CCDC6: variants seen among roughly 807,000 people sequenced by gnomAD.
The protein encoded by CCDC6 is coiled-coil domain-containing protein 6.
A neutral mutation model predicts 56.6 loss-of-function variants in CCDC6; 20 were observed. That is an observed-to-expected ratio of 0.35 (90% CI 0.25 to 0.51). The LOEUF is 0.51. Among genes scored for constraint, CCDC6 ranks in the 20% least tolerant of loss-of-function variants. The probability of loss-of-function intolerance (pLI) is 0.95; values close to 1 mark genes in which losing one functional copy is unlikely to be tolerated. For missense variants in CCDC6, 367 were observed against 601.1 expected (o/e 0.61, Z 4.07); for synonymous variants, 241 against 234.4 (o/e 1.03, Z -0.26).
chr10:59,862,544 C>CATATAT lies in CCDC6; in HGVS notation c.304-9843_304-9842insATATAT, dbSNP rs1195073574. ...ACACACACACACACACACACACACA[C>CATATAT]ACACACACACACATATATATACACA... On this transcript the variant is annotated intron_variant, in intron 1 of 8. Transcript: ENST00000263102. Among the ~76,000 whole-genome samples, 23 of 107,988 alleles carry CATATAT rather than the reference C, an allele frequency of 2.1e-4. 2 individuals are homozygous for CATATAT. The highest frequency in any genetic ancestry group is 4.3e-3 in the Middle Eastern group (1 of 230). The allele number at this position is 107,988 out of a possible 152,430, so 70.8% of individuals were successfully genotyped here.
chr10:59,896,130 C>T (rs190163783), intron 1 of CCDC6, among the ~76,000 whole-genome samples: 83 of 152,300 alleles, frequency 5.4e-4, no homozygotes, highest in Middle Eastern at 3.4e-3. Context: ...TGATTTTAAC[C>T]TGCATCCTTT....
At chr10:59,864,179 T>C (rs961570634) in intron 1 of CCDC6, among the ~76,000 whole-genome samples, 1 of 152,156 alleles carries the variant, frequency 6.6e-6, no homozygotes, top group African/African-American at 2.4e-5. Context: ...TAGAAGAAAG[T>C]TCCCCCCACC....
At chr10:59,807,560 A>C (rs1045610044) in intron 5 of CCDC6, among the ~76,000 whole-genome samples, 3 of 152,236 alleles carry the variant, frequency 2.0e-5, no homozygotes, top group Non-Finnish European at 4.4e-5. Flanking sequence ...TTTAAAGTTT[A>C]TCTCAAGTAT....
intron 7 of CCDC6, among the ~76,000 whole-genome samples, chr10:59,801,575 C>G (rs540311669): frequency 1.3e-4 from 20 of 152,320 alleles, no homozygotes; most frequent in Admixed American, 1.1e-3. Flanking sequence ...CTTGACCTTA[C>G]AGTCGCATAT....
chr10:59,839,499 G>A (rs963019249), intron 2 of CCDC6, among the ~76,000 whole-genome samples: 5 of 152,144 alleles, frequency 3.3e-5, no homozygotes, highest in Non-Finnish European at 1.5e-5. Context: ...CAAGATCTAG[G>A]ACATTACCCA....
chr10:59,835,475 AC>A (rs1382634074), intron 2 of CCDC6, among the ~76,000 whole-genome samples: 1 of 152,214 alleles, frequency 6.6e-6, no homozygotes, highest in Non-Finnish European at 1.5e-5. Context: ...CAAGAGCTGT[AC>A]CCTAAGGAAA....
intron 1 of CCDC6, among the ~76,000 whole-genome samples, chr10:59,860,837 T>C (rs897315884): frequency 6.6e-6 from 1 of 152,044 alleles, no homozygotes; most frequent in Non-Finnish European, 1.5e-5. Flanking sequence ...CACTTGAGGT[T>C]CAGGAGTTCA....
At chr10:59,825,359 A>G (rs1005301565) in intron 3 of CCDC6, among the ~76,000 whole-genome samples, 2 of 152,162 alleles carry the variant, frequency 1.3e-5, no homozygotes, top group Admixed American at 6.6e-5. Context: ...ACTGCTGTCC[A>G]TGTAAGACGG....
intron 1 of CCDC6, among the ~76,000 whole-genome samples, chr10:59,857,595 C>G (rs1447029817): frequency 1.3e-5 from 2 of 151,984 alleles, no homozygotes; most frequent in Non-Finnish European, 2.9e-5. Context: ...CAAGAAATTA[C>G]AAACATCTAT....
intron 1 of CCDC6, among the ~76,000 whole-genome samples, chr10:59,879,949 C>A (rs1279472219): frequency 1.3e-5 from 2 of 152,190 alleles, no homozygotes; most frequent in Non-Finnish European, 2.9e-5. Flanking sequence ...CACCATCAGG[C>A]TCCCTCATAC....
At chr10:59,795,774 A>G (rs909434119) in intron 7 of CCDC6, among the ~76,000 whole-genome samples, 10 of 151,794 alleles carry the variant, frequency 6.6e-5, no homozygotes, top group African/African-American at 2.2e-4. Flanking sequence ...ATGATTTCCA[A>G]TTTCATCCAT....
intron 1 of CCDC6, among the ~76,000 whole-genome samples, chr10:59,895,744 A>G (rs940411844): frequency 2.0e-5 from 3 of 152,190 alleles, no homozygotes; most frequent in African/African-American, 7.2e-5. Context: ...TTCTGGAGGC[A>G]ATTTCTAACC....
At chr10:59,882,093 CGGGGGGAGAAGGAAAGGAAAGCCGG>C (rs1564755868) in intron 1 of CCDC6, among the ~76,000 whole-genome samples, 2 of 35,058 alleles carry the variant, frequency 5.7e-5, no homozygotes, top group South Asian at 1.4e-3. Flanking sequence ...AAAGGAAAGC[CGGGGGGAGAAGGAAAGGAAAGCCGG>C]GGGGAGAAGG....
chr10:59,837,612 G>A (rs1485540619), intron 2 of CCDC6, among the ~76,000 whole-genome samples: 1 of 151,890 alleles, frequency 6.6e-6, no homozygotes, highest in Non-Finnish European at 1.5e-5. Flanking sequence ...CAGGCGTGGT[G>A]GCATGTGCCT....
At chr10:59,822,296 C>T (rs2070754976) in intron 3 of CCDC6, among the ~76,000 whole-genome samples, 1 of 152,110 alleles carries the variant, frequency 6.6e-6, no homozygotes, top group Non-Finnish European at 1.5e-5. Context: ...ATTTTGCTTT[C>T]AATGAGAAAT....
At chr10:59,871,468 TAAAAAA>T (rs138741485) in intron 1 of CCDC6, among the ~76,000 whole-genome samples, 21 of 98,474 alleles carry the variant, frequency 2.1e-4, no homozygotes, top group Middle Eastern at 5.6e-3. Context: ...TAATACTCAT[TAAAAAA>T]AAAAAAAAAA....
At chr10:59,832,409 G>A (rs1342910006) in intron 3 of CCDC6, 116 bp downstream of exon 3, 7 of 884,110 alleles carry the variant, frequency 7.9e-6, no homozygotes, top group Non-Finnish European at 1.2e-5. Context: ...TCTCCACAGT[G>A]GGGAGAGAAA....
Position 59,906,363 on chromosome 10 carries a change from G to T in CCDC6, c.62C>A (p.Ala21Asp). The change falls in exon 1 of 9, where the codon GCC becomes GAC. Residue 21 changes from alanine to aspartate, a missense_variant. Coordinates refer to ENST00000263102, the MANE Select transcript of CCDC6 (RefSeq NM_005436.5). The stretch of plus-strand genomic sequence containing the variant: ...CGACGAGCAGGACGACTGCATGGCG[G>T]CCGAGCTGCTGCTGTTGCCCCCCGC... ...DGAGGNSSSSAAMQSSCSSTS... is the reference protein window; with the variant it reads ...DGAGGNSSSSDAMQSSCSSTS... The T allele has an allele frequency of 6.3e-7, 1 of 1,594,700 alleles. No individual in the cohort carries two copies. Among genetic ancestry groups the T allele is most frequent in the Non-Finnish European group, 8.5e-7 (1 of 1,177,966 alleles).
intron 3 of CCDC6, among the ~76,000 whole-genome samples, chr10:59,824,682 G>A (rs1202139967): frequency 2.6e-5 from 4 of 152,088 alleles, no homozygotes; most frequent in African/African-American, 7.2e-5. Context: ...GAGAAAAGAG[G>A]AGGAGGAGGA....
Sources: allele counts gnomAD v4.1 joint callset (sites outside exome capture counted in the v4.1 genomes callset), GRCh38; gene constraint gnomAD v4.1.1; transcripts MANE v1.5; gene names NCBI Gene and HGNC (gene_info 2026-07-23, HGNC 2026-07-21).